Variants in XKR4 observed in about 807,000 individuals in gnomAD.
The protein encoded by XKR4 is XK related 4.
XKR4 carries 12 observed loss-of-function variants against 53.9 expected under a neutral mutation model. That is an observed-to-expected ratio of 0.22 (90% CI 0.14 to 0.36). XKR4 has a LOEUF of 0.36. Ranked by LOEUF, XKR4 falls within the 10% of genes least tolerant of loss-of-function variation. The pLI, the probability that XKR4 is intolerant of heterozygous loss-of-function variation, is 1.00. For synonymous variants in XKR4, 354 were observed against 362.4 expected (o/e 0.98, Z 0.26); for missense variants, 799 against 859.5 (o/e 0.93, Z 0.88).
intron 1 of XKR4, among the ~76,000 whole-genome samples, chr8:55,208,098 A>T (rs1817676135): frequency 6.6e-6 from 1 of 152,204 alleles, no homozygotes; most frequent in Non-Finnish European, 1.5e-5. Flanking sequence ...GTTTTGACAG[A>T]CATATTCATA....
At chr8:55,419,933 G>A (rs1488183663) in intron 2 of XKR4, among the ~76,000 whole-genome samples, 1 of 152,176 alleles carries the variant, frequency 6.6e-6, no homozygotes, top group Non-Finnish European at 1.5e-5. Flanking sequence ...AATGATGACA[G>A]CTGGTAACAC....
At chr8:55,386,095 A>G (rs1804309340) in intron 2 of XKR4, among the ~76,000 whole-genome samples, 1 of 152,254 alleles carries the variant, frequency 6.6e-6, no homozygotes, top group Non-Finnish European at 1.5e-5. Context: ...ATGTCAAGAC[A>G]TCAAAATGCT....
At chr8:55,350,394 C>T (rs1803708768) in intron 1 of XKR4, among the ~76,000 whole-genome samples, 1 of 152,108 alleles carries the variant, frequency 6.6e-6, no homozygotes, top group African/African-American at 2.4e-5. Flanking sequence ...GTAAGCTGGA[C>T]CCATCAAGGA....
At chr8:55,272,029 T>C (rs1168904337) in intron 1 of XKR4, among the ~76,000 whole-genome samples, 2 of 152,224 alleles carry the variant, frequency 1.3e-5, no homozygotes, top group Admixed American at 1.3e-4. Context: ...ATAATGTGAA[T>C]GAAGAATTTT....
intron 1 of XKR4, among the ~76,000 whole-genome samples, chr8:55,279,017 C>T (rs1261708813): frequency 6.6e-6 from 1 of 152,162 alleles, no homozygotes; most frequent in Non-Finnish European, 1.5e-5. Flanking sequence ...ATTTGAGAAC[C>T]TATTGTGTCC....
intron 1 of XKR4, among the ~76,000 whole-genome samples, chr8:55,147,342 C>A (rs1369586897): frequency 6.6e-6 from 1 of 152,200 alleles, no homozygotes; most frequent in African/African-American, 2.4e-5. Context: ...AAGCCTTGGG[C>A]CACTTAGGTG....
chr8:55,399,432 C>T (rs762729072), intron 2 of XKR4, among the ~76,000 whole-genome samples: 2 of 152,180 alleles, frequency 1.3e-5, no homozygotes, highest in Non-Finnish European at 2.9e-5. Flanking sequence ...GATAGCTCAG[C>T]GGTTACAATA....
chr8:55,527,192 C>T lies in XKR4; in HGVS notation c.*2965C>T, dbSNP rs1307980710. On this transcript the variant is annotated 3_prime_UTR_variant, in exon 3 of 3. Transcript: ENST00000327381. Reference sequence around the variant, plus strand: ...GTATTCAGATTTAAAGAGACATCATCAGTGTACAAAGAAACAAAGTTTCAT... The same window carrying T: ...GTATTCAGATTTAAAGAGACATCATTAGTGTACAAAGAAACAAAGTTTCAT... The T allele has an allele frequency of 6.9e-6, 1 of 145,962 alleles. No individual in the cohort carries two copies. Among genetic ancestry groups the T allele is most frequent in the African/African-American group, 2.4e-5 (1 of 41,210 alleles). 9.0% of individuals were successfully genotyped at this position (145,962 alleles called of 1,614,324 possible). A position where few individuals can be genotyped will look rare whatever the true frequency, so the allele number is the denominator to read the frequency against.
rs139091270 is a variant in XKR4 at position 55,471,991 on chromosome 8, A to G, written c.1007-51290A>G. Reference sequence around the variant, plus strand: ...TTTCTTGATAGCAATGAGAGAACAGACACAAACACAGTGGTGCATACAGGA... The same window carrying G: ...TTTCTTGATAGCAATGAGAGAACAGGCACAAACACAGTGGTGCATACAGGA... On this transcript the variant is annotated intron_variant, in intron 2 of 2. Transcript: ENST00000327381. Among the ~76,000 whole-genome samples, 81 of 152,284 alleles carry G rather than the reference A, an allele frequency of 5.3e-4. 1 individual carries two copies. Among genetic ancestry groups the G allele is most frequent in the African/African-American group, 1.9e-3 (78 of 41,516 alleles).
intron 1 of XKR4, among the ~76,000 whole-genome samples, chr8:55,220,997 A>G (rs566341546): frequency 5.7e-4 from 87 of 152,344 alleles, no homozygotes; most frequent in Non-Finnish European, 1.1e-3. Context: ...TCCATGTCCA[A>G]TGATTATCTC....
chr8:55,104,164 A>G (rs1457215464), intron 1 of XKR4, among the ~76,000 whole-genome samples: 1 of 152,050 alleles, frequency 6.6e-6, no homozygotes, highest in Non-Finnish European at 1.5e-5. Flanking sequence ...GGAAACCACC[A>G]CTTGAACAGT....
chr8:55,379,981 G>A (rs1437307805), intron 2 of XKR4, among the ~76,000 whole-genome samples: 1 of 152,216 alleles, frequency 6.6e-6, no homozygotes, highest in African/African-American at 2.4e-5. Context: ...ATGACATCAT[G>A]CACGTTAAGG....
intron 1 of XKR4, among the ~76,000 whole-genome samples, chr8:55,303,311 G>A (rs976620640): frequency 4.6e-5 from 7 of 152,170 alleles, no homozygotes; most frequent in Admixed American, 1.3e-4. Context: ...ATTGATTTGT[G>A]TATGTTGAAA....
chr8:55,280,280 G>T (rs1234110412), intron 1 of XKR4, among the ~76,000 whole-genome samples: 4 of 152,128 alleles, frequency 2.6e-5, no homozygotes, highest in African/African-American at 9.7e-5. Context: ...GAGTTTGTTT[G>T]TTAGGCGCCC....
intron 2 of XKR4, among the ~76,000 whole-genome samples, chr8:55,489,599 A>T (rs551794652): frequency 6.7e-4 from 101 of 150,372 alleles, no homozygotes; most frequent in African/African-American, 2.0e-3. Context: ...TTTGTTATTT[A>T]AAAAAAAAGG....
chr8:55,347,002 C>T (rs188102463), intron 1 of XKR4, among the ~76,000 whole-genome samples: 4 of 152,272 alleles, frequency 2.6e-5, no homozygotes, highest in Admixed American at 2.6e-4. Flanking sequence ...TCGGTCAAAT[C>T]TTATTTAGGG....
rs562982433 is a variant in XKR4, at chr8:55,141,825, G to T, written c.806+38531G>T. On this transcript the variant is annotated intron_variant, in intron 1 of 2. Transcript: ENST00000327381. ...CCAGAAAAGAAAATGAGTTGACTTG[G>T]ACTGAATTGGGGCTTTGAATCAAGC... is the stretch of plus-strand genomic sequence containing the variant. 1.6e-3 allele frequency among the ~76,000 whole-genome samples: 240 copies of T among 152,056 alleles called. 1 individual carries two copies. Among genetic ancestry groups the T allele is most frequent in the African/African-American group, 5.4e-3 (224 of 41,480 alleles).
intron 1 of XKR4, among the ~76,000 whole-genome samples, chr8:55,282,491 G>A (rs1321762345): frequency 6.6e-6 from 1 of 152,168 alleles, no homozygotes; most frequent in Non-Finnish European, 1.5e-5. Flanking sequence ...TGGAAGAGGG[G>A]AGCAGGCATC....
chr8:55,515,251 T>G (rs1412969763), intron 2 of XKR4, among the ~76,000 whole-genome samples: 2 of 152,244 alleles, frequency 1.3e-5, no homozygotes, highest in Non-Finnish European at 1.5e-5. Context: ...AGCATTTAAA[T>G]ATTTTTAATC....
Sources: gnomAD v4.1 joint callset for allele counts (sites outside exome capture counted in the v4.1 genomes callset) on GRCh38, gnomAD v4.1.1 for gene constraint, MANE v1.5 for transcripts, NCBI Gene and HGNC (gene_info 2026-07-23, HGNC 2026-07-21) for gene names.